Variants in AGBL4 observed in about 807,000 individuals in gnomAD.
The protein encoded by AGBL4 is cytosolic carboxypeptidase 6.
In AGBL4, 58 loss-of-function variants were observed where a neutral mutation model predicts 66.4. That is an observed-to-expected ratio of 0.87 (90% CI 0.71 to 1.09). The LOEUF (loss-of-function observed/expected upper bound fraction) is 1.09, where lower values mean the gene tolerates loss of function less well. Ranked by LOEUF, AGBL4 falls within the 50% of genes least tolerant of loss-of-function variation. The pLI is 0.00. For missense variants in AGBL4, 579 were observed against 631.0 expected (o/e 0.92, Z 0.88); for synonymous variants, 234 against 222.9 (o/e 1.05, Z -0.44).
At chr1:48,822,360 A>G (rs11588729) in intron 6 of AGBL4, among the ~76,000 whole-genome samples, 4,052 of 152,336 alleles carry the variant, frequency 0.027, 145 homozygotes, top group East Asian at 0.21. Context: ...GGAATAAACT[A>G]TTGATACATG....
chr1:49,837,824 G>A (rs1294138632), intron 2 of AGBL4, among the ~76,000 whole-genome samples: 2 of 152,120 alleles, frequency 1.3e-5, no homozygotes, highest in African/African-American at 4.8e-5. Context: ...CAGCCTGGGC[G>A]ACAGAGTAAG....
rs74866510 is a variant in AGBL4 at position 48,853,666 on chromosome 1, T to C, written c.634+13525A>G. The stretch of plus-strand genomic sequence containing the variant: ...AGAGGATTCGAACATATAACATATG[T>C]ATGTACTACAAATCAATTACAATGA... On this transcript the variant is annotated intron_variant, in intron 6 of 13. Transcript: ENST00000371839. 4.5e-3 allele frequency among the ~76,000 whole-genome samples: 678 copies of C among 152,258 alleles called. 6 individuals carry two copies. The highest frequency in any genetic ancestry group is 5.3e-3 in the Non-Finnish European group (361 of 68,010).
chr1:49,123,907 C>G (rs766937592), intron 4 of AGBL4, among the ~76,000 whole-genome samples: 4 of 152,144 alleles, frequency 2.6e-5, no homozygotes, highest in Non-Finnish European at 5.9e-5. Context: ...TTTTCCTACT[C>G]TCATTTTGCC....
intron 6 of AGBL4, among the ~76,000 whole-genome samples, chr1:48,751,933 C>T (rs1298167206): frequency 6.6e-6 from 1 of 152,178 alleles, no homozygotes; most frequent in African/African-American, 2.4e-5. Flanking sequence ...TAAACTGTGG[C>T]TACTTCTGAT....
At chr1:50,001,507 G>GTATATA (rs59228663) in intron 1 of AGBL4, among the ~76,000 whole-genome samples, 117 of 147,690 alleles carry the variant, frequency 7.9e-4, no homozygotes, top group South Asian at 4.7e-3. Context: ...ATGTGTGTGT[G>GTATATA]TATATATATA....
intron 3 of AGBL4, among the ~76,000 whole-genome samples, chr1:49,633,891 G>A (rs1645618744): frequency 1.4e-5 from 2 of 146,244 alleles, no homozygotes; most frequent in African/African-American, 2.5e-5. Context: ...ATATATTATT[G>A]TAATATATAA....
intron 6 of AGBL4, among the ~76,000 whole-genome samples, chr1:48,688,215 G>A (rs556398535): frequency 1.3e-5 from 2 of 152,268 alleles, no homozygotes; most frequent in Admixed American, 6.5e-5. Context: ...TCAGTGGATC[G>A]TGAGAAACTA....
intron 5 of AGBL4, among the ~76,000 whole-genome samples, chr1:49,026,485 T>C (rs909051961): frequency 6.6e-6 from 1 of 152,158 alleles, no homozygotes; most frequent in African/African-American, 2.4e-5. Context: ...AGTTCACTTA[T>C]AGCTGAGGGG....
chr1:49,207,431 C>CCTTTCTTTCTTTTT (rs1443797862), intron 4 of AGBL4, among the ~76,000 whole-genome samples: 1 of 143,664 alleles, frequency 7.0e-6, no homozygotes, highest in Non-Finnish European at 1.5e-5. Context: ...CTGAGTATCT[C>CCTTTCTTTCTTTTT]CTTTCTTTCT....
intron 1 of AGBL4, among the ~76,000 whole-genome samples, chr1:49,992,465 T>G (rs372273412): frequency 1.3e-5 from 2 of 151,878 alleles, no homozygotes; most frequent in East Asian, 3.9e-4. Flanking sequence ...GTTTTGGGTC[T>G]CATTTAGTTC....
intron 3 of AGBL4, among the ~76,000 whole-genome samples, chr1:49,566,401 GCT>G (rs954006748): frequency 1.3e-5 from 2 of 152,084 alleles, no homozygotes; most frequent in Non-Finnish European, 2.9e-5. Flanking sequence ...CAATTTTTCT[GCT>G]CTGTTTTTTC....
chr1:48,656,694 G>A (rs1248018774), intron 7 of AGBL4, among the ~76,000 whole-genome samples: 6 of 152,206 alleles, frequency 3.9e-5, no homozygotes, highest in African/African-American at 1.4e-4. Flanking sequence ...GCAGCTGGAG[G>A]CCATTATCCT....
At chr1:48,747,790 C>T (rs1036879765) in intron 6 of AGBL4, among the ~76,000 whole-genome samples, 1 of 152,174 alleles carries the variant, frequency 6.6e-6, no homozygotes, top group African/African-American at 2.4e-5. Context: ...CTGATTAACA[C>T]AAATGTTTAT....
intron 5 of AGBL4, among the ~76,000 whole-genome samples, chr1:48,886,118 A>G (rs1350618453): frequency 2.0e-5 from 3 of 152,126 alleles, no homozygotes; most frequent in Non-Finnish European, 2.9e-5. Flanking sequence ...GGTGGCTAAG[A>G]GCCCTGCCTG....
chr1:49,512,659 T>G (rs969089481), intron 3 of AGBL4, among the ~76,000 whole-genome samples: 1 of 151,978 alleles, frequency 6.6e-6, no homozygotes, highest in Admixed American at 6.6e-5. Flanking sequence ...ACCATGATGC[T>G]TCTTGTACAG....
chr1:49,850,243 T>C (rs373790664), intron 2 of AGBL4, among the ~76,000 whole-genome samples: 3 of 152,164 alleles, frequency 2.0e-5, no homozygotes, highest in South Asian at 2.1e-4. Flanking sequence ...GAGAACACCA[T>C]GTACAGATGA....
chr1:49,422,408 T>C (rs1361066681), intron 3 of AGBL4, among the ~76,000 whole-genome samples: 1 of 152,236 alleles, frequency 6.6e-6, no homozygotes, highest in Non-Finnish European at 1.5e-5. Flanking sequence ...TTTTTCATTT[T>C]CTTTCTGAAT....
intron 1 of AGBL4, among the ~76,000 whole-genome samples, chr1:49,907,377 A>T (rs1332830597): frequency 2.6e-5 from 4 of 152,148 alleles, no homozygotes; most frequent in Non-Finnish European, 4.4e-5. Flanking sequence ...CTGTAGGAAA[A>T]TGAGTGCAGG....
At chr1:48,615,691 G>C (rs1645307428) in intron 9 of AGBL4, among the ~76,000 whole-genome samples, 1 of 152,180 alleles carries the variant, frequency 6.6e-6, no homozygotes, top group Non-Finnish European at 1.5e-5. Context: ...TACATCCTCG[G>C]TAGTTCTACC....
Sources: gnomAD v4.1 joint callset for allele counts (sites outside exome capture counted in the v4.1 genomes callset) on GRCh38, gnomAD v4.1.1 for gene constraint, MANE v1.5 for transcripts, NCBI Gene and HGNC (gene_info 2026-07-23, HGNC 2026-07-21) for gene names.